CRYZ: variants seen among roughly 807,000 people sequenced by gnomAD.
CRYZ encodes zeta-crystallin.
In CRYZ, 35 loss-of-function variants were observed where a neutral mutation model predicts 34.1. That is an observed-to-expected ratio of 1.03 (90% CI 0.78 to 1.36). CRYZ has a LOEUF of 1.36. CRYZ is among the 40% of genes most tolerant of loss of function. The probability of loss-of-function intolerance (pLI) is 0.00; values close to 1 mark genes in which losing one functional copy is unlikely to be tolerated. For synonymous variants in CRYZ, 137 were observed against 136.5 expected (o/e 1.00, Z -0.03); for missense variants, 403 against 391.8 (o/e 1.03, Z -0.24).
At chr1:74,709,293 G>T (rs1381797707) in intron 6 of CRYZ, among the ~76,000 whole-genome samples, 4 of 151,976 alleles carry the variant, frequency 2.6e-5, no homozygotes, top group African/African-American at 4.8e-5. Flanking sequence ...TAAAATAACG[G>T]GCCATTTTTC....
At chr1:74,725,035 C>G (rs1231535332) in intron 1 of CRYZ, among the ~76,000 whole-genome samples, 7 of 152,180 alleles carry the variant, frequency 4.6e-5, no homozygotes, top group Middle Eastern at 3.2e-3. Context: ...ATGCTACTTC[C>G]TGCAGGGATT....
chr1:74,710,409 T>C (rs887615084), intron 5 of CRYZ, among the ~76,000 whole-genome samples, 162 bp from the exon 6 acceptor site: 7 of 152,238 alleles, frequency 4.6e-5, no homozygotes, highest in African/African-American at 1.7e-4. Flanking sequence ...TAATTGAGCA[T>C]TTAAAATATT....
chr1:74,716,192 G>C (rs1647071069), intron 4 of CRYZ, among the ~76,000 whole-genome samples: 2 of 150,482 alleles, frequency 1.3e-5, no homozygotes, highest in South Asian at 4.2e-4. Context: ...ATCAATCTGT[G>C]TGCGCGTGTG....
At chr1:74,720,322 G>A (rs1647141681) in intron 3 of CRYZ, among the ~76,000 whole-genome samples, 1 of 152,032 alleles carries the variant, frequency 6.6e-6, no homozygotes, top group Non-Finnish European at 1.5e-5. Context: ...GGATGACCCA[G>A]GACAGCCTTC....
chr1:74,719,865 A>C (rs906542480), intron 3 of CRYZ, among the ~76,000 whole-genome samples: 4 of 152,106 alleles, frequency 2.6e-5, no homozygotes, highest in Non-Finnish European at 4.4e-5. Flanking sequence ...AAATCTAAGG[A>C]AAACAGAAAA....
intron 5 of CRYZ, among the ~76,000 whole-genome samples, chr1:74,713,614 G>GA (rs1209901386): frequency 4.0e-5 from 6 of 148,678 alleles, no homozygotes; most frequent in African/African-American, 1.6e-4. Flanking sequence ...AAGAAACAGA[G>GA]AGACAAAAAG....
At chr1:74,718,616 C>T (rs746250327) in intron 4 of CRYZ, among the ~76,000 whole-genome samples, 11 of 152,104 alleles carry the variant, frequency 7.2e-5, no homozygotes, top group Non-Finnish European at 1.5e-4. Context: ...TTTCCCCATA[C>T]TATTCCCATT....
intron 8 of CRYZ, 30 bp downstream of exon 8, chr1:74,706,869 T>C (rs1413567917): frequency 6.3e-7 from 1 of 1,584,520 alleles, no homozygotes; most frequent in Non-Finnish European, 8.7e-7. Context: ...ATGTTTAAGT[T>C]ACCAAAATCA....
At chr1:74,719,492 T>G in intron 3 of CRYZ, 120 bp from the exon 4 acceptor site, 1 of 901,276 alleles carries the variant, frequency 1.1e-6, no homozygotes, top group Non-Finnish European at 1.6e-6. Context: ...TAGGGTCTCA[T>G]ATAAATAATT....
chr1:74,726,265 T>C (rs1647334246), intron 1 of CRYZ, among the ~76,000 whole-genome samples: 1 of 152,214 alleles, frequency 6.6e-6, no homozygotes, highest in Non-Finnish European at 1.5e-5. Flanking sequence ...CCCTGCAGCA[T>C]ACCTCTGCCT....
Position 74,710,165 on chromosome 1 carries a change from A to C in CRYZ, c.563T>G (p.Ile188Ser). The change falls in exon 6 of 9, where the codon ATT becomes AGT. Residue 188 changes from isoleucine (I) to serine (S), a missense_variant. Transcript: ENST00000340866. ...GTAGTEEGQK[I>S]VLQNGAHEVF... ...TTCATGGGCTCCATTTTGCAAAACA[A>C]TCTTTTGTCCTTCCTCAGTACCAGC... 6.2e-7 allele frequency: 1 copy of C among 1,613,934 alleles called. No homozygotes were observed. Among genetic ancestry groups the C allele is most frequent in the Admixed American group, 1.7e-5 (1 of 60,024 alleles).
chr1:74,724,057 T>C (rs1647219089), intron 2 of CRYZ, among the ~76,000 whole-genome samples: 1 of 152,132 alleles, frequency 6.6e-6, no homozygotes, highest in African/African-American at 2.4e-5. Context: ...AAAAATAGCA[T>C]GTGCAAAGAC....
At chr1:74,715,317 A>C (rs1442130682) in intron 4 of CRYZ, among the ~76,000 whole-genome samples, 1 of 152,198 alleles carries the variant, frequency 6.6e-6, no homozygotes, top group African/African-American at 2.4e-5. Context: ...TACTGAAAAG[A>C]AGGGACATGC....
intron 5 of CRYZ, among the ~76,000 whole-genome samples, chr1:74,711,157 G>A (rs909127378): frequency 2.0e-5 from 3 of 152,184 alleles, no homozygotes; most frequent in Non-Finnish European, 2.9e-5. Context: ...CGAAAGGGTC[G>A]AAGATGAGGC....
At chr1:74,723,846 A>G (rs569734917) in intron 2 of CRYZ, among the ~76,000 whole-genome samples, 1 of 152,340 alleles carries the variant, frequency 6.6e-6, no homozygotes, top group South Asian at 2.1e-4. Flanking sequence ...TTAGTGTATA[A>G]GAAATAATTG....
In CRYZ at chr1:74,717,523, A is replaced by G. The variant is rs555486950; in HGVS notation, c.428+1686T>C. Among the ~76,000 whole-genome samples the G allele has an allele frequency of 6.6e-5, 10 of 152,286 alleles. No individual in the cohort carries two copies. In the East Asian group the frequency reaches 1.9e-3, roughly 29 times the overall value. Reference sequence around the variant, plus strand: ...GTATCAATATCAATTGCCACTCCTAAGGCTGCCAGCAGTGATTGCGCACTT... The same window carrying G: ...GTATCAATATCAATTGCCACTCCTAGGGCTGCCAGCAGTGATTGCGCACTT... On this transcript the variant is annotated intron_variant, in intron 4 of 8. Coordinates refer to ENST00000340866, the MANE Select transcript of CRYZ (RefSeq NM_001889.4).
intron 4 of CRYZ, among the ~76,000 whole-genome samples, chr1:74,715,797 C>T (rs984657172): frequency 1.3e-5 from 2 of 152,070 alleles, no homozygotes; most frequent in African/African-American, 2.4e-5. Context: ...GCAGGCAAAT[C>T]CCCTCCTGAA....
intron 2 of CRYZ, 88 bp from the exon 3 acceptor site, chr1:74,723,358 CA>C: frequency 2.3e-6 from 3 of 1,294,688 alleles, no homozygotes; most frequent in Non-Finnish European, 2.1e-6. Context: ...TGGGAGCTAT[CA>C]AAATGGGAGA....
intron 4 of CRYZ, among the ~76,000 whole-genome samples, chr1:74,718,485 G>A (rs925502926): frequency 3.3e-5 from 5 of 152,078 alleles, no homozygotes; most frequent in African/African-American, 1.2e-4. Context: ...TATATTTGAT[G>A]ACAGCTAACA....
Sources: allele counts gnomAD v4.1 joint callset (sites outside exome capture counted in the v4.1 genomes callset), GRCh38; gene constraint gnomAD v4.1.1; transcripts MANE v1.5; gene names NCBI Gene and HGNC (gene_info 2026-07-23, HGNC 2026-07-21).